The following ALK variants were observed in gnomAD, a reference collection of about 807,000 sequenced individuals.
ALK encodes the protein ALK receptor tyrosine kinase.
A neutral mutation model predicts 163.1 loss-of-function variants in ALK; 74 were observed. That is an observed-to-expected ratio of 0.45 (90% CI 0.38 to 0.55). ALK has a LOEUF of 0.55. Among genes scored for constraint, ALK ranks in the 20% least tolerant of loss-of-function variants. The probability of loss-of-function intolerance (pLI) is 0.00; values close to 1 mark genes in which losing one functional copy is unlikely to be tolerated. For synonymous variants in ALK, 960 were observed against 843.2 expected (o/e 1.14, Z -2.40); for missense variants, 2,063 against 2,105.3 (o/e 0.98, Z 0.39).
intron 1 of ALK, among the ~76,000 whole-genome samples, chr2:29,874,635 AG>A (rs1221899788): frequency 2.0e-5 from 3 of 152,226 alleles, no homozygotes; most frequent in Non-Finnish European, 4.4e-5. Context: ...AGAGAAGGAA[AG>A]CAAGCATGAG....
At chr2:29,308,647 T>A (rs1425008577) in intron 8 of ALK, among the ~76,000 whole-genome samples, 1 of 152,228 alleles carries the variant, frequency 6.6e-6, no homozygotes, top group East Asian at 1.9e-4. Context: ...TTTTTACGTA[T>A]CACGTAATAT....
intron 3 of ALK, among the ~76,000 whole-genome samples, chr2:29,561,817 C>T (rs898276703): frequency 2.0e-5 from 3 of 152,210 alleles, no homozygotes; most frequent in South Asian, 2.1e-4. Context: ...TGAAAATGAC[C>T]GGGGCCGGGC....
chr2:29,812,265 G>A (rs1196297412), intron 1 of ALK, among the ~76,000 whole-genome samples: 1 of 152,198 alleles, frequency 6.6e-6, no homozygotes, highest in African/African-American at 2.4e-5. Context: ...AATGGTAAAT[G>A]TTTAACAACC....
At chr2:29,197,503 G>A (rs2148143075) in intron 27 of ALK, 39 bp downstream of exon 27, 1 of 1,610,722 alleles carries the variant, frequency 6.2e-7, no homozygotes, top group Non-Finnish European at 8.5e-7. Context: ...AAGAAAAACT[G>A]CTTAGTAACT....
At chr2:29,515,778 G>A (rs181209689) in intron 4 of ALK, among the ~76,000 whole-genome samples, 1 of 152,280 alleles carries the variant, frequency 6.6e-6, no homozygotes, top group African/African-American at 2.4e-5. Context: ...GTTTCAGCAC[G>A]GAAGATGCAG....
intron 4 of ALK, among the ~76,000 whole-genome samples, chr2:29,487,382 T>C (rs890584952): frequency 6.6e-6 from 1 of 152,112 alleles, no homozygotes; most frequent in Non-Finnish European, 1.5e-5. Context: ...GCTGAGGAAA[T>C]AGGATTCACT....
chr2:29,326,669 A>G (rs1022531757), intron 6 of ALK, among the ~76,000 whole-genome samples: 7 of 152,250 alleles, frequency 4.6e-5, no homozygotes, highest in Non-Finnish European at 1.0e-4. Context: ...CTAAAAACAT[A>G]CAACTATTCC....
intron 5 of ALK, among the ~76,000 whole-genome samples, chr2:29,369,564 C>T (rs969946461): frequency 2.6e-5 from 4 of 152,180 alleles, no homozygotes; most frequent in African/African-American, 9.7e-5. Flanking sequence ...GGAGCAAGAG[C>T]ACAGCAGGCT....
At chr2:29,635,765 G>C (rs1363301519) in intron 3 of ALK, among the ~76,000 whole-genome samples, 2 of 130,532 alleles carry the variant, frequency 1.5e-5, no homozygotes, top group East Asian at 4.4e-4. Flanking sequence ...ACCATGCCTG[G>C]ATAATTTTTG....
intron 5 of ALK, among the ~76,000 whole-genome samples, chr2:29,346,328 A>G (rs75111811): frequency 0.025 from 3,791 of 152,270 alleles, 166 homozygotes; most frequent in African/African-American, 0.086. Flanking sequence ...TACCAATTGA[A>G]TGCAGTCTGC....
At chr2:29,859,768 T>G (rs1174085568) in intron 1 of ALK, among the ~76,000 whole-genome samples, 1 of 152,176 alleles carries the variant, frequency 6.6e-6, no homozygotes, top group African/African-American at 2.4e-5. Context: ...TTTGGTCACA[T>G]AGGGACTGAG....
At chr2:29,275,359 ATGGGGGT>A (rs1665508225) in intron 10 of ALK, 36 bp downstream of exon 10, 2 of 1,610,934 alleles carry the variant, frequency 1.2e-6, no homozygotes, top group African/African-American at 2.7e-5. Context: ...GCCATGGGCC[ATGGGGGT>A]TGGGGGACAG....
At chr2:29,381,018 T>A (rs934659433) in intron 5 of ALK, among the ~76,000 whole-genome samples, 3 of 152,218 alleles carry the variant, frequency 2.0e-5, no homozygotes, top group Non-Finnish European at 2.9e-5. Flanking sequence ...TCAAAGATGA[T>A]GCTAAGGTTT....
intron 4 of ALK, among the ~76,000 whole-genome samples, chr2:29,498,736 C>T (rs1356354948): frequency 6.6e-6 from 1 of 152,186 alleles, no homozygotes; most frequent in Admixed American, 6.5e-5. Flanking sequence ...TGCTCACAGC[C>T]GCCCTGATTG....
intron 3 of ALK, among the ~76,000 whole-genome samples, chr2:29,606,658 A>G (rs537100329): frequency 3.1e-4 from 47 of 152,352 alleles, no homozygotes; most frequent in African/African-American, 1.1e-3. Context: ...GTTTTTGTAA[A>G]TAAAGTTTTA....
intron 4 of ALK, among the ~76,000 whole-genome samples, chr2:29,410,059 C>T (rs752686583): frequency 3.9e-5 from 6 of 152,114 alleles, no homozygotes; most frequent in Non-Finnish European, 7.4e-5. Context: ...GGTTCAGTCA[C>T]GCATTGCTTA....
Position 29,213,964 on chromosome 2 carries a change from G to A in ALK, c.3743+20C>T. Reference sequence around the variant, plus strand: ...GATCAGCGACAGGATGACAGGAAGAGCACAGTCACTTTGACTCACCGGTGG... The same window carrying A: ...GATCAGCGACAGGATGACAGGAAGAACACAGTCACTTTGACTCACCGGTGG... On this transcript the variant is annotated intron_variant, in intron 24 of 28. Transcript: ENST00000389048. The A allele has an allele frequency of 6.3e-7, 1 of 1,597,802 alleles. No homozygotes were observed.
intron 1 of ALK, among the ~76,000 whole-genome samples, chr2:29,777,814 A>T (rs1195090917): frequency 6.6e-6 from 1 of 152,194 alleles, no homozygotes; most frequent in Non-Finnish European, 1.5e-5. Context: ...GTAAGGAGGC[A>T]CTAGAACCCT....
chr2:29,896,881 G>C (rs1667286360), intron 1 of ALK, among the ~76,000 whole-genome samples: 1 of 152,190 alleles, frequency 6.6e-6, no homozygotes, highest in Non-Finnish European at 1.5e-5. Flanking sequence ...TAAATACATG[G>C]AAATATTGGG....
Sources: allele counts gnomAD v4.1 joint callset (sites outside exome capture counted in the v4.1 genomes callset), GRCh38; gene constraint gnomAD v4.1.1; transcripts MANE v1.5; gene names NCBI Gene and HGNC (gene_info 2026-07-23, HGNC 2026-07-21).